Variants in PC observed in about 807,000 individuals in gnomAD.
PC encodes pyruvate carboxylase, mitochondrial.
Under a neutral mutation model 107.8 loss-of-function variants are expected in PC, and 46 were observed. The observed-to-expected ratio is 0.43, with a 90% CI of 0.34 to 0.55. PC has a LOEUF of 0.55. Among genes scored for constraint, PC ranks in the 20% least tolerant of loss-of-function variants. The pLI is 0.04. For synonymous variants in PC, 662 were observed against 684.7 expected, an observed-to-expected ratio of 0.97 and a Z score of 0.52; for missense variants, 1,241 against 1,643.1, an observed-to-expected ratio of 0.76 and a Z score of 4.23.
At position 66,852,681 on chromosome 11, in the gene PC, G is replaced by T. The variant is rs763482500; in HGVS notation, c.1604-21C>A. ...CGGGCCTAGGGTAGACAGGGGCATT[G>T]GTGCCCATCCTGCAGGTGGCAACCT... On this transcript the variant is annotated intron_variant, in intron 14 of 22. Coordinates refer to ENST00000393960, the MANE Select transcript of PC (RefSeq NM_001040716.2). The surrounding 1 kb of genome is among the most constrained non-coding windows in gnomAD (Gnocchi z 4.7). 1.6e-5 allele frequency: 26 copies of T among 1,610,598 alleles called. No individual in the cohort carries two copies. The highest frequency in any genetic ancestry group is 1.7e-4 in the Middle Eastern group (1 of 6,058).
At chr11:66,865,094 C>G (rs1303132865) in intron 11 of PC, among the ~76,000 whole-genome samples, 1 of 152,194 alleles carries the variant, frequency 6.6e-6, no homozygotes, top group South Asian at 2.1e-4. Context: ...CAGGGGCCGC[C>G]GGGCAGCACT....
At chr11:66,924,369 CAAAAA>C (rs71045970) in intron 3 of PC, among the ~76,000 whole-genome samples, 2 of 65,590 alleles carry the variant, frequency 3.0e-5, no homozygotes, top group Admixed American at 1.8e-4. Context: ...CCATCTCTAC[CAAAAA>C]AAAAAAAAAA....
intron 3 of PC, among the ~76,000 whole-genome samples, chr11:66,925,979 A>C (rs954863550): frequency 2.6e-5 from 4 of 152,102 alleles, no homozygotes; most frequent in Non-Finnish European, 4.4e-5. Flanking sequence ...ACTGTCTAGC[A>C]GAAGGTATCT....
chr11:66,891,131 A>G (rs1222559914), intron 3 of PC, among the ~76,000 whole-genome samples: 1 of 151,834 alleles, frequency 6.6e-6, no homozygotes, highest in Non-Finnish European at 1.5e-5. Flanking sequence ...ATCTCGGCTC[A>G]CTGCAACTTC....
intron 10 of PC, among the ~76,000 whole-genome samples, chr11:66,868,262 T>A (rs1022915443): frequency 5.3e-5 from 8 of 152,146 alleles, no homozygotes; most frequent in African/African-American, 1.9e-4. Context: ...CACAAACTAA[T>A]TGCCTAACAA....
At chr11:66,942,729 T>C (rs867564586) in intron 3 of PC, among the ~76,000 whole-genome samples, 1 of 151,884 alleles carries the variant, frequency 6.6e-6, no homozygotes, top group Non-Finnish European at 1.5e-5. Context: ...TAAGAAAGTT[T>C]CGGCTGGGTG....
chr11:66,852,337 C>T lies in PC; in HGVS notation c.1825+102G>A, dbSNP rs537562046. 2.5e-5 allele frequency: 25 copies of T among 985,702 alleles called. No individual in the cohort carries two copies. The highest frequency in any genetic ancestry group is 2.1e-4 in the Middle Eastern group (1 of 4,756). 61.1% of individuals were successfully genotyped at this position (985,702 alleles called of 1,614,324 possible). ...TCGGTCCTTCCTCTTTGGTGTTCTTCGTGTCAGCGTCTCTAGCTTGTCCCC... is the reference window on the plus strand; with the variant it reads ...TCGGTCCTTCCTCTTTGGTGTTCTTTGTGTCAGCGTCTCTAGCTTGTCCCC... On this transcript the variant is annotated intron_variant, in intron 15 of 22. Transcript: ENST00000393960. This position sits in a 1 kb window ranked among gnomAD's most constrained non-coding sequence, Gnocchi z 4.7.
intron 3 of PC, among the ~76,000 whole-genome samples, chr11:66,873,480 TATA>T (rs1404582177): frequency 2.6e-4 from 19 of 72,234 alleles, no homozygotes; most frequent in East Asian, 3.5e-4. Flanking sequence ...TAATATAATA[TATA>T]ATATTATATA....
At chr11:66,909,611 C>G (rs1159537486) in intron 3 of PC, among the ~76,000 whole-genome samples, 1 of 152,130 alleles carries the variant, frequency 6.6e-6, no homozygotes, top group Non-Finnish European at 1.5e-5. Context: ...ACTGGGGAGC[C>G]GGAGCGGACA....
chr11:66,874,477 A>G (rs917091082), intron 3 of PC, among the ~76,000 whole-genome samples: 2 of 152,258 alleles, frequency 1.3e-5, no homozygotes, highest in African/African-American at 4.8e-5. Context: ...TCAAGAAATG[A>G]AACAAATATT....
intron 1 of PC, among the ~76,000 whole-genome samples, 153 bp downstream of exon 1, chr11:66,958,168 CG>C (rs1949621123): frequency 6.6e-6 from 1 of 151,902 alleles, no homozygotes; most frequent in African/African-American, 2.4e-5. Context: ...GCGCACAGCC[CG>C]TCGCTGTCTC....
chr11:66,927,205 A>G (rs1310107984), intron 3 of PC, among the ~76,000 whole-genome samples: 2 of 131,700 alleles, frequency 1.5e-5, no homozygotes, highest in Non-Finnish European at 3.2e-5. Flanking sequence ...TCACACATAT[A>G]TTACATTTTA....
intron 12 of PC, among the ~76,000 whole-genome samples, chr11:66,854,033 T>C (rs1456794112): frequency 6.6e-6 from 1 of 152,262 alleles, no homozygotes; most frequent in African/African-American, 2.4e-5. Context: ...TTCCTGCCTA[T>C]GCACCCAGTC....
intron 3 of PC, among the ~76,000 whole-genome samples, chr11:66,906,645 G>A (rs1013103255): frequency 6.6e-6 from 1 of 151,750 alleles, no homozygotes; most frequent in Admixed American, 6.6e-5. Flanking sequence ...CTACGAGCAT[G>A]CCCATGTACA....
chr11:66,872,724 G>A (rs995205665), intron 3 of PC, among the ~76,000 whole-genome samples: 1 of 151,926 alleles, frequency 6.6e-6, no homozygotes, highest in Non-Finnish European at 1.5e-5. Flanking sequence ...GACAGGGCAA[G>A]ACTCCGTCTC....
At chr11:66,935,541 G>A (rs1187641891) in intron 3 of PC, among the ~76,000 whole-genome samples, 1 of 152,190 alleles carries the variant, frequency 6.6e-6, no homozygotes, top group Non-Finnish European at 1.5e-5. Flanking sequence ...ACTTCAGAAG[G>A]AAAGGGGAGG....
chr11:66,941,822 G>A (rs1240558434), intron 3 of PC, among the ~76,000 whole-genome samples: 1 of 151,938 alleles, frequency 6.6e-6, no homozygotes, highest in African/African-American at 2.4e-5. Flanking sequence ...AGAAATTCCG[G>A]CCAGGCGCAG....
intron 3 of PC, among the ~76,000 whole-genome samples, chr11:66,941,101 G>T (rs958306276): frequency 1.7e-5 from 2 of 115,588 alleles, no homozygotes; most frequent in African/African-American, 6.3e-5. Flanking sequence ...AAAAAAAAAA[G>T]GTGCTCAACA....
Position 66,851,851 on chromosome 11 carries a change from T to A in PC, c.1921A>T (p.Met641Leu). 1 of 1,614,054 alleles carries A rather than the reference T, an allele frequency of 6.2e-7. No homozygotes were observed. Among genetic ancestry groups the A allele is most frequent in the Non-Finnish European group, 8.5e-7 (1 of 1,180,018 alleles). ...RELIPNIPFQ[M>L]LLRGANAVGY... ...ACAGCATTGGCCCCCCGCAGCAGCA[T>A]CTGGAAAGGGATGTTGGGGATGAGC... The change falls in exon 16 of 23, where the codon ATG becomes TTG. Residue 641 changes from methionine to leucine, a missense_variant. Coordinates refer to ENST00000393960, the MANE Select transcript of PC (RefSeq NM_001040716.2).
Sources: allele counts gnomAD v4.1 joint callset (sites outside exome capture counted in the v4.1 genomes callset), GRCh38; gene constraint gnomAD v4.1.1; non-coding constraint Gnocchi (gnomAD v3.1); transcripts MANE v1.5; gene names NCBI Gene and HGNC (gene_info 2026-07-23, HGNC 2026-07-21).